HDAC4: variants seen among roughly 807,000 people sequenced by gnomAD.
HDAC4 encodes the protein histone deacetylase 4.
Under a neutral mutation model 135.1 loss-of-function variants are expected in HDAC4, and 16 were observed. The observed-to-expected ratio is 0.12, with a 90% CI of 0.08 to 0.18. HDAC4 has a LOEUF of 0.18. Ranked by LOEUF, HDAC4 falls within the 10% of genes least tolerant of loss-of-function variation. The probability of loss-of-function intolerance (pLI) is 1.00; values close to 1 mark genes in which losing one functional copy is unlikely to be tolerated. For synonymous variants in HDAC4, 685 were observed against 653.4 expected, an observed-to-expected ratio of 1.05 and a Z score of -0.74; for missense variants, 1,143 against 1,511.8, an observed-to-expected ratio of 0.76 and a Z score of 4.05.
At position 239,230,176 on chromosome 2, in the gene HDAC4, C is replaced by A. The variant is rs146329137; in HGVS notation, c.94+6417G>T. Among the ~76,000 whole-genome samples the A allele has an allele frequency of 4.3e-3, 656 of 152,072 alleles. 4 individuals carry two copies. Among genetic ancestry groups the A allele is most frequent in the African/African-American group, 0.015 (612 of 41,450 alleles). On this transcript the variant is annotated intron_variant, in intron 3 of 26. Coordinates refer to ENST00000543185, the MANE Select transcript of HDAC4 (RefSeq NM_001378414.1). ...GAGGGGGCGTCTAAGGAGGCCTGTCCAACCCCCCATTCCCATCAGGGCCTG... is the reference window on the plus strand; with the variant it reads ...GAGGGGGCGTCTAAGGAGGCCTGTCAAACCCCCCATTCCCATCAGGGCCTG...
At chr2:239,358,835 T>G (rs868270998) in intron 1 of HDAC4, among the ~76,000 whole-genome samples, 109 of 152,350 alleles carry the variant, frequency 7.2e-4, no homozygotes, top group African/African-American at 2.5e-3. Flanking sequence ...CGCTAACCTC[T>G]ACACATGAGA....
At chr2:239,118,132 C>G (rs972564330) in intron 12 of HDAC4, among the ~76,000 whole-genome samples, 35 of 152,294 alleles carry the variant, frequency 2.3e-4, no homozygotes, top group African/African-American at 7.2e-4. Flanking sequence ...GAGTTTTCAG[C>G]CTCCAGAGCC....
At chr2:239,332,344 T>C (rs1691643925) in intron 2 of HDAC4, among the ~76,000 whole-genome samples, 1 of 152,094 alleles carries the variant, frequency 6.6e-6, no homozygotes, top group Admixed American at 6.5e-5. Context: ...ATATAATCAA[T>C]AAAGCAAAAT....
Position 239,212,387 on chromosome 2 carries a change from TA to T in HDAC4, c.95-22311del, listed in dbSNP as rs199811352. 5.9e-5 allele frequency among the ~76,000 whole-genome samples: 9 copies of T among 151,502 alleles called. No homozygotes were observed. In the East Asian group the frequency reaches 1.2e-3, roughly 20 times the overall value. On this transcript the variant is annotated intron_variant, in intron 3 of 26. Transcript: ENST00000543185. Reference sequence around the variant, plus strand: ...CCTCAACCCCATTCTAAAAGCAGTTTAAAAAAAAGAAGAAAAAAGGAAAAAA... The same window carrying T: ...CCTCAACCCCATTCTAAAAGCAGTTTAAAAAAAGAAGAAAAAAGGAAAAAA...
intron 24 of HDAC4, among the ~76,000 whole-genome samples, chr2:239,056,526 C>T (rs537252899): frequency 6.6e-6 from 1 of 152,354 alleles, no homozygotes; most frequent in South Asian, 2.1e-4. Flanking sequence ...GGTATTGAAG[C>T]ATGACCCAAA....
chr2:239,142,548 C>A (rs556826107), intron 8 of HDAC4, among the ~76,000 whole-genome samples: 3 of 152,228 alleles, frequency 2.0e-5, no homozygotes, highest in Non-Finnish European at 4.4e-5. Flanking sequence ...TTGTGCTGAT[C>A]TCCCAACTCC....
chr2:239,171,653 T>A (rs182314669), intron 5 of HDAC4, among the ~76,000 whole-genome samples: 1 of 152,138 alleles, frequency 6.6e-6, no homozygotes, highest in Non-Finnish European at 1.5e-5. Context: ...GATTTAGGAA[T>A]TACAAATCCC....
intron 2 of HDAC4, among the ~76,000 whole-genome samples, chr2:239,327,450 C>T (rs1238294718): frequency 1.3e-5 from 2 of 152,364 alleles, no homozygotes; most frequent in East Asian, 3.9e-4. Context: ...CTGTTCTGCC[C>T]CTCAGCTACA....
chr2:239,095,201 G>A (rs2036904045), intron 16 of HDAC4, 145 bp from the exon 17 acceptor site: 1 of 848,198 alleles, frequency 1.2e-6, no homozygotes, highest in Admixed American at 2.0e-5. Context: ...GTGACACCCT[G>A]TGGCCCTGCT....
intron 20 of HDAC4, 138 bp downstream of exon 20, chr2:239,084,017 T>C: frequency 1.4e-6 from 1 of 713,762 alleles, no homozygotes. Flanking sequence ...GCTTTACTTC[T>C]CCGCATCTTT....
chr2:239,248,017 C>A (rs2048564843), intron 2 of HDAC4, among the ~76,000 whole-genome samples: 1 of 152,180 alleles, frequency 6.6e-6, no homozygotes, highest in Non-Finnish European at 1.5e-5. Context: ...GAGAGTGAGG[C>A]TGGGGCTCCC....
Position 239,164,328 on chromosome 2 carries a change from C to T in HDAC4, c.491-405G>A, listed in dbSNP as rs576995729. ...GCTTTGTGCAAATGGATGCATCACG[C>T]AGGGACAAAGCCAGTCTCACAGGCA... is the stretch of plus-strand genomic sequence containing the variant. On this transcript the variant is annotated intron_variant, in intron 5 of 26. Coordinates refer to ENST00000543185, the MANE Select transcript of HDAC4 (RefSeq NM_001378414.1). Among the ~76,000 whole-genome samples, 23 of 152,334 alleles carry T rather than the reference C, an allele frequency of 1.5e-4. No homozygotes were observed. In the South Asian group the frequency reaches 4.8e-3, roughly 32 times the overall value.
intron 6 of HDAC4, among the ~76,000 whole-genome samples, chr2:239,159,227 TCA>T (rs746041645): frequency 4.3e-5 from 6 of 140,058 alleles, no homozygotes; most frequent in South Asian, 2.4e-4. Context: ...CACCCACATC[TCA>T]CTTTTCACAC....
intron 5 of HDAC4, 58 bp from the exon 6 acceptor site, chr2:239,163,981 TGCAGGGC>T: frequency 6.2e-7 from 1 of 1,608,080 alleles, no homozygotes; most frequent in African/African-American, 1.3e-5. Context: ...ACAGCAGCAA[TGCAGGGC>T]AGCGGGGCCA....
At chr2:239,305,506 T>A (rs2052529096) in intron 2 of HDAC4, 1 of 152,740 alleles carries the variant, frequency 6.5e-6, no homozygotes, top group East Asian at 1.9e-4. Flanking sequence ...TGCCTCTTTC[T>A]TTGTGGAAGC....
chr2:239,352,481 G>A lies in HDAC4; in HGVS notation c.22+197C>T, dbSNP rs1363555868. ...GCAGACTTGACTCCACATCCTCCCA[G>A]GTTTTATCATTCTTCTTTCACCAAG... On this transcript the variant is annotated intron_variant, in intron 2 of 26. Coordinates refer to ENST00000543185, the MANE Select transcript of HDAC4 (RefSeq NM_001378414.1). The surrounding 1 kb of genome is among the most constrained non-coding windows in gnomAD (Gnocchi z 4.4). Among the ~76,000 whole-genome samples the A allele has an allele frequency of 6.6e-6, 1 of 152,014 alleles. No homozygotes were observed. Among genetic ancestry groups the A allele is most frequent in the East Asian group, 1.9e-4 (1 of 5,200 alleles).
intron 2 of HDAC4, among the ~76,000 whole-genome samples, chr2:239,292,075 C>T (rs998077452): frequency 1.3e-5 from 2 of 151,668 alleles, no homozygotes; most frequent in Admixed American, 1.3e-4. Flanking sequence ...CCAGGGGCTG[C>T]GCGCACAGCC....
chr2:239,250,654 TC>T (rs2048734027), intron 2 of HDAC4, among the ~76,000 whole-genome samples: 1 of 152,214 alleles, frequency 6.6e-6, no homozygotes, highest in African/African-American at 2.4e-5. Context: ...GCATCGGGCC[TC>T]CTTTAGAGGA....
chr2:239,211,055 G>A (rs2046333770), intron 3 of HDAC4, among the ~76,000 whole-genome samples: 1 of 152,174 alleles, frequency 6.6e-6, no homozygotes, highest in Admixed American at 6.5e-5. Flanking sequence ...TTGAAAGGCT[G>A]GATGAAGCAA....
Sources: gnomAD v4.1 joint callset for allele counts (sites outside exome capture counted in the v4.1 genomes callset) on GRCh38, gnomAD v4.1.1 for gene constraint, Gnocchi (gnomAD v3.1) non-coding constraint, MANE v1.5 for transcripts, NCBI Gene and HGNC (gene_info 2026-07-23, HGNC 2026-07-21) for gene names.